The following FCHSD2 variants were observed in gnomAD, a reference collection of about 807,000 sequenced individuals.
The protein encoded by FCHSD2 is F-BAR and double SH3 domains protein 2.
A neutral mutation model predicts 108.1 loss-of-function variants in FCHSD2; 38 were observed. The observed-to-expected ratio is 0.35, with a 90% CI of 0.27 to 0.46. FCHSD2 has a LOEUF of 0.46. Among genes scored for constraint, FCHSD2 ranks in the 20% least tolerant of loss-of-function variants. The pLI is 1.00. For synonymous variants in FCHSD2, 279 were observed against 314.7 expected, an observed-to-expected ratio of 0.89 and a Z score of 1.20; for missense variants, 751 against 897.8, an observed-to-expected ratio of 0.84 and a Z score of 2.09.
Position 73,056,258 on chromosome 11 carries a change from G to A in FCHSD2, c.165+27437C>T, listed in dbSNP as rs565192277. 3.3e-5 allele frequency among the ~76,000 whole-genome samples: 5 copies of A among 152,268 alleles called. 1 individual carries two copies. Among genetic ancestry groups the A allele is most frequent in the African/African-American group, 1.2e-4 (5 of 41,558 alleles). ...TGAGTTTCTGGGCTTACGAGCCAAG[G>A]TAGGGGTCCTGTGCAACTGTGCCTA... On this transcript the variant is annotated intron_variant, in intron 3 of 19. Coordinates refer to ENST00000409418, the MANE Select transcript of FCHSD2 (RefSeq NM_014824.3).
intron 3 of FCHSD2, among the ~76,000 whole-genome samples, chr11:73,048,934 T>C (rs1300620784): frequency 6.6e-6 from 1 of 152,220 alleles, no homozygotes; most frequent in Non-Finnish European, 1.5e-5. Context: ...AACTCATTGC[T>C]ATCAAATTCT....
chr11:72,976,721 C>G (rs967334316), intron 8 of FCHSD2, among the ~76,000 whole-genome samples: 5 of 152,114 alleles, frequency 3.3e-5, no homozygotes, highest in African/African-American at 1.2e-4. Flanking sequence ...ACCAATGGAA[C>G]AGAAGACAGA....
chr11:73,107,366 T>G (rs1860370320), intron 2 of FCHSD2, among the ~76,000 whole-genome samples: 1 of 152,102 alleles, frequency 6.6e-6, no homozygotes. Context: ...TATTTTTAAT[T>G]TTTGTAGGTA....
intron 3 of FCHSD2, among the ~76,000 whole-genome samples, chr11:73,026,313 T>C (rs767518845): frequency 4.6e-5 from 7 of 152,182 alleles, no homozygotes; most frequent in African/African-American, 9.7e-5. Flanking sequence ...ATGAGGACTA[T>C]AGTTCATAGT....
At chr11:72,987,236 T>G (rs1474535608) in intron 6 of FCHSD2, among the ~76,000 whole-genome samples, 1 of 152,180 alleles carries the variant, frequency 6.6e-6, no homozygotes, top group Non-Finnish European at 1.5e-5. Flanking sequence ...TCTTCCTCCT[T>G]ATCTCTACTT....
At position 73,113,422 on chromosome 11, in the gene FCHSD2, G is replaced by A. The variant is rs1348585218; in HGVS notation, c.119+26609C>T. 4.0e-5 allele frequency among the ~76,000 whole-genome samples: 5 copies of A among 124,748 alleles called. No individual in the cohort carries two copies. In the East Asian group the frequency reaches 1.0e-3, roughly 26 times the overall value. The allele number at this position is 124,748 out of a possible 152,430, so 81.8% of individuals were successfully genotyped here. ...CTCACTCTGTCACCTAGATTGGAGT[G>A]CAGTGATGTGATCTTGGCTCACTGC... On this transcript the variant is annotated intron_variant, in intron 2 of 19. Coordinates refer to ENST00000409418, the MANE Select transcript of FCHSD2 (RefSeq NM_014824.3).
chr11:72,863,661 C>G (rs1854652327), intron 13 of FCHSD2, among the ~76,000 whole-genome samples: 1 of 151,948 alleles, frequency 6.6e-6, no homozygotes, highest in Admixed American at 6.6e-5. Flanking sequence ...AAAACAAACC[C>G]AATAAAAATT....
At chr11:73,139,968 G>T in intron 2 of FCHSD2, 63 bp downstream of exon 2, 1 of 879,306 alleles carries the variant, frequency 1.1e-6, no homozygotes, top group Non-Finnish European at 1.7e-6. Flanking sequence ...CTGGGGCTTG[G>T]TAACTCAAAG....
chr11:73,109,477 T>C (rs1268429107), intron 2 of FCHSD2, among the ~76,000 whole-genome samples: 2 of 152,180 alleles, frequency 1.3e-5, no homozygotes, highest in Admixed American at 6.5e-5. Flanking sequence ...TTGTAGCTAC[T>C]GTAAATGAGA....
intron 2 of FCHSD2, among the ~76,000 whole-genome samples, chr11:73,131,721 A>T (rs11827636): frequency 0.012 from 1,804 of 151,832 alleles, 27 homozygotes; most frequent in African/African-American, 0.038. Flanking sequence ...AAAAAAAATT[A>T]AAAAATTTAA....
At chr11:73,139,375 A>G (rs1861194282) in intron 2 of FCHSD2, among the ~76,000 whole-genome samples, 1 of 152,186 alleles carries the variant, frequency 6.6e-6, no homozygotes, top group African/African-American at 2.4e-5. Flanking sequence ...TCTTTGTTGA[A>G]CTGTCAGTCT....
At chr11:73,012,633 T>C (rs1857886503) in intron 4 of FCHSD2, among the ~76,000 whole-genome samples, 1 of 152,198 alleles carries the variant, frequency 6.6e-6, no homozygotes, top group Non-Finnish European at 1.5e-5. Flanking sequence ...GATCTTTCTA[T>C]TGTCTTTTTC....
At chr11:72,873,704 C>T (rs753428774) in intron 12 of FCHSD2, among the ~76,000 whole-genome samples, 8 of 151,970 alleles carry the variant, frequency 5.3e-5, no homozygotes, top group Admixed American at 4.6e-4. Context: ...TATTAGCTTT[C>T]GCTGTTACAT....
At chr11:73,113,728 T>A (rs1860545256) in intron 2 of FCHSD2, among the ~76,000 whole-genome samples, 1 of 152,200 alleles carries the variant, frequency 6.6e-6, no homozygotes, top group Admixed American at 6.5e-5. Context: ...TTTGTACCCA[T>A]CCTTCTTGGG....
chr11:72,849,781 T>G lies in FCHSD2; in HGVS notation c.1417A>C (p.Thr473Pro). ...TTGTAGGAATAAACAACTTTGCAGG[T>G]GAGTGGATAATTTCTTAAGGTGCCA... is the stretch of plus-strand genomic sequence containing the variant. Reference protein sequence around the residue: ...PSGTLRNYPLTCKVVYSYKAS... With the variant: ...PSGTLRNYPLPCKVVYSYKAS... Residue 473 changes from threonine (T) to proline (P), a missense_variant, in exon 14 of 20, where the codon ACC becomes CCC. Thr to Pro is a conservative substitution (Grantham distance 38). Coordinates refer to ENST00000409418, the MANE Select transcript of FCHSD2 (RefSeq NM_014824.3). The G allele has an allele frequency of 6.2e-7, 1 of 1,612,476 alleles. No homozygotes were observed. Among genetic ancestry groups the G allele is most frequent in the Non-Finnish European group, 8.5e-7 (1 of 1,178,800 alleles).
intron 4 of FCHSD2, among the ~76,000 whole-genome samples, chr11:73,002,597 T>TA (rs111970625): frequency 6.6e-5 from 10 of 151,850 alleles, no homozygotes; most frequent in South Asian, 6.2e-4. Context: ...TTTAAAATAA[T>TA]AAAAAAAATG....
intron 17 of FCHSD2, 145 bp from the exon 18 acceptor site, chr11:72,841,728 C>T (rs768171858): frequency 5.1e-6 from 4 of 780,460 alleles, no homozygotes; most frequent in Non-Finnish European, 5.9e-6. Context: ...GGCAACTGAG[C>T]ATTAAATAAC....
intron 2 of FCHSD2, among the ~76,000 whole-genome samples, chr11:73,118,289 A>G (rs1860651823): frequency 6.6e-6 from 1 of 152,220 alleles, no homozygotes; most frequent in Non-Finnish European, 1.5e-5. Context: ...ACTGCACTCC[A>G]GCCTGGGTGA....
intron 4 of FCHSD2, among the ~76,000 whole-genome samples, chr11:73,004,287 C>T (rs1857693825): frequency 6.6e-6 from 1 of 152,060 alleles, no homozygotes; most frequent in South Asian, 2.1e-4. Flanking sequence ...AATTGAGGCT[C>T]AGAAGGTTGT....
Sources: gnomAD v4.1 joint callset for allele counts (sites outside exome capture counted in the v4.1 genomes callset) on GRCh38, gnomAD v4.1.1 for gene constraint, MANE v1.5 for transcripts, NCBI Gene and HGNC (gene_info 2026-07-23, HGNC 2026-07-21) for gene names.